ANKS1B: variants seen among roughly 807,000 people sequenced by gnomAD.
The protein encoded by ANKS1B is ankyrin repeat and sterile alpha motif domain containing 1B, also known as ankyrin repeat and sterile alpha motif domain-containing protein 1B.
In ANKS1B, 36 loss-of-function variants were observed where a neutral mutation model predicts 148.3. The ratio of observed to expected loss-of-function variants is 0.24; its 90% CI spans 0.19 to 0.32. The LOEUF (loss-of-function observed/expected upper bound fraction) is 0.32, where lower values mean the gene tolerates loss of function less well. Ranked by LOEUF, ANKS1B falls within the 10% of genes least tolerant of loss-of-function variation. The pLI, the probability that ANKS1B is intolerant of heterozygous loss-of-function variation, is 1.00. For synonymous variants in ANKS1B, 542 were observed against 560.8 expected, an observed-to-expected ratio of 0.97 and a Z score of 0.47; for missense variants, 1,157 against 1,542.6, an observed-to-expected ratio of 0.75 and a Z score of 4.19.
chr12:99,273,574 ATTTTTTTTTT>A (rs1188069212), intron 12 of ANKS1B, among the ~76,000 whole-genome samples: 1 of 97,054 alleles, frequency 1.0e-5, no homozygotes, highest in African/African-American at 4.2e-5. Context: ...TTTTTTTGCG[ATTTTTTTTTT>A]TTTTTTTTTT....
chr12:98,931,368 A>G (rs534951196), intron 17 of ANKS1B, among the ~76,000 whole-genome samples: 47 of 152,326 alleles, frequency 3.1e-4, no homozygotes, highest in African/African-American at 1.1e-3. Flanking sequence ...TAGTATGAAA[A>G]GAAAATGACT....
At chr12:99,371,878 T>C (rs542477778) in intron 12 of ANKS1B, among the ~76,000 whole-genome samples, 84 of 152,296 alleles carry the variant, frequency 5.5e-4, no homozygotes, top group Admixed American at 1.6e-3. Context: ...ATAATAATGC[T>C]TTACTATTTG....
Position 99,255,202 on chromosome 12 carries a change from C to A in ANKS1B, c.1757-8338G>T, listed in dbSNP as rs1364667957. On this transcript the variant is annotated intron_variant, in intron 12 of 26. Coordinates refer to ENST00000683438, the MANE Select transcript of ANKS1B (RefSeq NM_001352186.2). ...ATAGAACTATCTGGAGTCTCTATAC[C>A]TTTTTGAAGTTTTTTAAAGTTTTAA... is the stretch of plus-strand genomic sequence containing the variant. Among the ~76,000 whole-genome samples the A allele has an allele frequency of 4.6e-5, 7 of 151,988 alleles. No homozygotes were observed. In the East Asian group the frequency reaches 5.8e-4, roughly 13 times the overall value.
At chr12:99,686,686 C>G (rs576128157) in intron 8 of ANKS1B, among the ~76,000 whole-genome samples, 1 of 152,200 alleles carries the variant, frequency 6.6e-6, no homozygotes, top group South Asian at 2.1e-4. Flanking sequence ...AAAAATTACT[C>G]TAAAAAGCAT....
intron 8 of ANKS1B, among the ~76,000 whole-genome samples, chr12:99,761,367 C>T (rs2062097793): frequency 6.6e-6 from 1 of 151,892 alleles, no homozygotes; most frequent in African/African-American, 2.4e-5. Flanking sequence ...AGGCTTTCTC[C>T]CTGGGATACA....
At chr12:99,725,395 T>TA (rs1567723740) in intron 8 of ANKS1B, among the ~76,000 whole-genome samples, 1 of 151,926 alleles carries the variant, frequency 6.6e-6, no homozygotes, top group Non-Finnish European at 1.5e-5. Context: ...CCAACAAAGA[T>TA]AAAAAAAGAC....
intron 4 of ANKS1B, among the ~76,000 whole-genome samples, chr12:99,794,458 G>A (rs377672340): frequency 4.8e-5 from 2 of 41,402 alleles, no homozygotes; most frequent in Non-Finnish European, 9.3e-5. Context: ...AAGAAAATGT[G>A]GTACACACAC....
At chr12:99,354,241 C>A (rs2091752613) in intron 12 of ANKS1B, among the ~76,000 whole-genome samples, 1 of 151,968 alleles carries the variant, frequency 6.6e-6, no homozygotes, top group South Asian at 2.1e-4. Flanking sequence ...TCATTAGAGA[C>A]AACATGGGGT....
chr12:99,696,485 A>G (rs1169314106), intron 8 of ANKS1B, among the ~76,000 whole-genome samples: 1 of 152,210 alleles, frequency 6.6e-6, no homozygotes, highest in Non-Finnish European at 1.5e-5. Context: ...CAATGTAGAT[A>G]GCGTTTCAAC....
At chr12:99,293,647 G>A (rs2080385536) in intron 12 of ANKS1B, among the ~76,000 whole-genome samples, 1 of 152,136 alleles carries the variant, frequency 6.6e-6, no homozygotes, top group African/African-American at 2.4e-5. Flanking sequence ...CATGTGCACA[G>A]GCAAGCAAAG....
At chr12:99,239,474 C>A (rs1165222980) in intron 14 of ANKS1B, among the ~76,000 whole-genome samples, 1 of 152,166 alleles carries the variant, frequency 6.6e-6, no homozygotes, top group Non-Finnish European at 1.5e-5. Flanking sequence ...GGAGAATGAA[C>A]CAAGTTAGAA....
At chr12:99,275,274 T>C (rs1350309186) in intron 12 of ANKS1B, among the ~76,000 whole-genome samples, 1 of 152,186 alleles carries the variant, frequency 6.6e-6, no homozygotes, top group African/African-American at 2.4e-5. Context: ...CCTGTTGTGC[T>C]ATCAAATACT....
intron 14 of ANKS1B, among the ~76,000 whole-genome samples, chr12:99,237,813 C>T (rs1396203963): frequency 6.6e-6 from 1 of 152,168 alleles, no homozygotes; most frequent in African/African-American, 2.4e-5. Context: ...GACAGGGTCT[C>T]ACTATCTTGC....
chr12:98,860,814 A>T (rs557853098), intron 17 of ANKS1B, among the ~76,000 whole-genome samples: 18 of 152,204 alleles, frequency 1.2e-4, no homozygotes, highest in Non-Finnish European at 2.4e-4. Context: ...GCAAACCAAC[A>T]TGGCACACGT....
At chr12:99,702,454 G>A (rs2054989679) in intron 8 of ANKS1B, among the ~76,000 whole-genome samples, 1 of 152,028 alleles carries the variant, frequency 6.6e-6, no homozygotes, top group Non-Finnish European at 1.5e-5. Flanking sequence ...CCTTGTTATA[G>A]GGGTTGTCTG....
At chr12:99,472,513 T>G (rs1471290944) in intron 10 of ANKS1B, among the ~76,000 whole-genome samples, 1 of 152,122 alleles carries the variant, frequency 6.6e-6, no homozygotes, top group Non-Finnish European at 1.5e-5. Flanking sequence ...CAAAATAGTT[T>G]TGTTGTTGTA....
At position 99,613,229 on chromosome 12, in the gene ANKS1B, A is replaced by G. The variant is rs1053686008; in HGVS notation, c.1272+41838T>C. Reference sequence around the variant, plus strand: ...CGCTGGCAAGGTTGTGGAGAAAAAGAAATGCTTATACCAACGCTGTTAGTA... The same window carrying G: ...CGCTGGCAAGGTTGTGGAGAAAAAGGAATGCTTATACCAACGCTGTTAGTA... On this transcript the variant is annotated intron_variant, in intron 9 of 26. Coordinates refer to ENST00000683438, the MANE Select transcript of ANKS1B (RefSeq NM_001352186.2). Among the ~76,000 whole-genome samples, 4 of 152,172 alleles carry G rather than the reference A, an allele frequency of 2.6e-5. No individual in the cohort carries two copies. In the East Asian group the frequency reaches 7.7e-4, roughly 29 times the overall value.
At chr12:99,405,704 G>T (rs2152634123) in intron 11 of ANKS1B, among the ~76,000 whole-genome samples, 1 of 143,696 alleles carries the variant, frequency 7.0e-6, no homozygotes, top group South Asian at 2.1e-4. Flanking sequence ...CAATAATATT[G>T]AATAATTAGA....
intron 12 of ANKS1B, among the ~76,000 whole-genome samples, chr12:99,323,272 A>G (rs990940700): frequency 1.3e-5 from 2 of 152,154 alleles, no homozygotes; most frequent in African/African-American, 2.4e-5. Context: ...GTGAATATCC[A>G]CTTCCATTAC....
Sources: gnomAD v4.1 joint callset for allele counts (sites outside exome capture counted in the v4.1 genomes callset) on GRCh38, gnomAD v4.1.1 for gene constraint, MANE v1.5 for transcripts, NCBI Gene and HGNC (gene_info 2026-07-23, HGNC 2026-07-21) for gene names.